NBEAL1: variants seen among roughly 807,000 people sequenced by gnomAD.
NBEAL1 encodes neurobeachin-like protein 1.
NBEAL1 carries 273 observed loss-of-function variants against 351.3 expected under a neutral mutation model. The observed-to-expected ratio is 0.78, with a 90% CI of 0.70 to 0.86. NBEAL1 has a LOEUF of 0.86. Among genes scored for constraint, NBEAL1 ranks in the 40% least tolerant of loss-of-function variants. NBEAL1 has a pLI of 0.00. For missense variants in NBEAL1, 2,961 were observed against 3,201.3 expected, an observed-to-expected ratio of 0.92 and a Z score of 1.81; for synonymous variants, 1,050 against 1,086.4, an observed-to-expected ratio of 0.97 and a Z score of 0.66.
intron 31 of NBEAL1, among the ~76,000 whole-genome samples, chr2:203,143,577 GT>G (rs1190968752): frequency 6.6e-6 from 1 of 152,182 alleles, no homozygotes; most frequent in East Asian, 1.9e-4. Context: ...GTCAGCTTGT[GT>G]TAAGCTGGCT....
rs778912382 is a variant in NBEAL1 at position 203,149,155 on chromosome 2, G to A, written c.5462+7G>A. The A allele has an allele frequency of 6.4e-7, 1 of 1,572,244 alleles. No homozygotes were observed. The highest frequency in any genetic ancestry group is 1.9e-5 in the Admixed American group (1 of 53,726). On this transcript the variant is annotated splice_region_variant and intron_variant, in intron 34 of 55. Transcript: ENST00000683969. ...GGGGACCTTGGGCTAAAAGGTAAGA[G>A]GATATAATTTTATTAAGTACTCCTT... is the stretch of plus-strand genomic sequence containing the variant.
At chr2:203,207,578 T>C (rs1458821733) in intron 51 of NBEAL1, among the ~76,000 whole-genome samples, 1 of 152,254 alleles carries the variant, frequency 6.6e-6, no homozygotes, top group Non-Finnish European at 1.5e-5. Context: ...AGAAAAATTC[T>C]TCTGCCTTGG....
chr2:203,161,403 G>T (rs1234603919), intron 36 of NBEAL1, among the ~76,000 whole-genome samples: 1 of 151,604 alleles, frequency 6.6e-6, no homozygotes, highest in East Asian at 1.9e-4. Flanking sequence ...GGCCCAGGCA[G>T]GTGGATCACA....
At chr2:203,156,142 A>C (rs1324966629) in intron 35 of NBEAL1, among the ~76,000 whole-genome samples, 1 of 152,194 alleles carries the variant, frequency 6.6e-6, no homozygotes, top group East Asian at 1.9e-4. Flanking sequence ...ATCTCCATAT[A>C]TTAGTTGCTG....
chr2:203,178,174 T>C (rs1287555291), intron 42 of NBEAL1, among the ~76,000 whole-genome samples: 6 of 150,036 alleles, frequency 4.0e-5, no homozygotes, highest in Non-Finnish European at 5.9e-5. Context: ...TTTCTTTTTT[T>C]TTTTTTCTGA....
At chr2:203,067,233 CTTAA>C (rs1452485480) in intron 6 of NBEAL1, among the ~76,000 whole-genome samples, 3 of 152,202 alleles carry the variant, frequency 2.0e-5, no homozygotes, top group Admixed American at 1.3e-4. Flanking sequence ...TGATAATGGT[CTTAA>C]TTAAATAGGA....
At chr2:203,041,722 C>A in intron 2 of NBEAL1, 43 bp from the exon 3 acceptor site, 1 of 1,313,032 alleles carries the variant, frequency 7.6e-7, no homozygotes, top group Non-Finnish European at 1.1e-6. Flanking sequence ...TTTTTTTTTT[C>A]CTGATAGGCA....
intron 36 of NBEAL1, among the ~76,000 whole-genome samples, chr2:203,160,032 A>G (rs1223608641): frequency 6.7e-6 from 1 of 148,610 alleles, no homozygotes; most frequent in African/African-American, 2.5e-5. Flanking sequence ...CCATTAATAT[A>G]TATCTACTTT....
rs768162389 is a variant in NBEAL1 at position 203,050,066 on chromosome 2, C to T, written c.305+91C>T. On this transcript the variant is annotated intron_variant, in intron 4 of 55. Transcript: ENST00000683969. ...GAGATGAGGAGGGGAACATCACACACTGGGCCTATTGGTGGGTAGGGTGCT... is the reference window on the plus strand; with the variant it reads ...GAGATGAGGAGGGGAACATCACACATTGGGCCTATTGGTGGGTAGGGTGCT... 3.0e-5 allele frequency: 36 copies of T among 1,203,484 alleles called. No individual in the cohort carries two copies. The Admixed American group carries it at 7.0e-4, about 23-fold the overall frequency. The allele number at this position is 1,203,484 out of a possible 1,614,324, so 74.6% of individuals were successfully genotyped here.
chr2:203,016,433 A>G lies in NBEAL1; in HGVS notation c.49A>G (p.Lys17Glu). ...LFELWMLYCT[K>E]KDPDYLKLWL... Reference sequence around the variant, plus strand: ...TGAACTTTGGATGCTTTATTGTACAAAGGTAATTGCTTTCCTTTTTATTTT... The same window carrying G: ...TGAACTTTGGATGCTTTATTGTACAGAGGTAATTGCTTTCCTTTTTATTTT... The change falls in exon 2 of 56, where the codon AAG becomes GAG. Residue 17 changes from lysine (K) to glutamate (E), a missense_variant and splice_region_variant. Lys to Glu is a moderately conservative substitution (Grantham distance 56). Transcript: ENST00000683969. 1 of 1,461,400 alleles carries G rather than the reference A, an allele frequency of 6.8e-7. No individual in the cohort carries two copies. The highest frequency in any genetic ancestry group is 9.2e-7 in the Non-Finnish European group (1 of 1,086,692). 90.5% of individuals were successfully genotyped at this position (1,461,400 alleles called of 1,614,324 possible). A position where few individuals can be genotyped will look rare whatever the true frequency, so the allele number is the denominator to read the frequency against.
chr2:203,063,539 G>A (rs1195320061), intron 6 of NBEAL1, among the ~76,000 whole-genome samples: 1 of 151,326 alleles, frequency 6.6e-6, no homozygotes, highest in Non-Finnish European at 1.5e-5. Flanking sequence ...AGGGAAGGAA[G>A]GAGAAGAGAA....
intron 1 of NBEAL1, 36 bp downstream of exon 1, chr2:203,015,018 A>T (rs1218937982): frequency 2.0e-5 from 3 of 152,306 alleles, no homozygotes; most frequent in African/African-American, 7.3e-5. Flanking sequence ...CGTTGGGAAG[A>T]GGGGGCGGCA....
At chr2:203,125,583 A>T in intron 20 of NBEAL1, 63 bp downstream of exon 20, 3 of 1,319,978 alleles carry the variant, frequency 2.3e-6, no homozygotes, top group Non-Finnish European at 3.0e-6. Context: ...TGAGAAATAA[A>T]TGAAAATGTT....
At chr2:203,175,929 G>A (rs545180080) in intron 42 of NBEAL1, among the ~76,000 whole-genome samples, 1 of 152,082 alleles carries the variant, frequency 6.6e-6, no homozygotes, top group South Asian at 2.1e-4. Flanking sequence ...CTCTTTCCAT[G>A]TAGCTTTTAT....
intron 43 of NBEAL1, chr2:203,181,439 TTTATG>T (rs2064715129): frequency 2.0e-5 from 3 of 152,044 alleles, no homozygotes; most frequent in South Asian, 2.1e-4. Context: ...TATTTGAAAA[TTTATG>T]TTATGTTTTT....
rs2065848816 is a variant in NBEAL1 at position 203,213,656 on chromosome 2, A to T, written c.8070+3A>T. On this transcript the variant is annotated splice_donor_region_variant and intron_variant, in intron 55 of 55. Transcript: ENST00000683969. ...TGGGTGTTGGCAAGCCTGCTGAGGT[A>T]AAACCTAGCATCAGTAATTTCATTT... 4 of 1,613,622 alleles carry T rather than the reference A, an allele frequency of 2.5e-6. No individual in the cohort carries two copies. The highest frequency in any genetic ancestry group is 1.3e-5 in the African/African-American group (1 of 75,034).
chr2:203,141,363 ATTATTTTTTTTT>A lies in NBEAL1; in HGVS notation c.4848+2618_4848+2629del, dbSNP rs1172470656. 5.1e-4 allele frequency among the ~76,000 whole-genome samples: 9 copies of A among 17,480 alleles called. No individual in the cohort carries two copies. In the East Asian group the frequency reaches 0.01, roughly 20 times the overall value. 11.5% of individuals were successfully genotyped at this position (17,480 alleles called of 152,430 possible). A position where few individuals can be genotyped will look rare whatever the true frequency, so the allele number is the denominator to read the frequency against. ...ACAGATTATTATTATTATTATTATT[ATTATTTTTTTTT>A]TTTTTTTTTTTTTTTTTTTTTTTCA... On this transcript the variant is annotated intron_variant, in intron 31 of 55. Coordinates refer to ENST00000683969, the MANE Select transcript of NBEAL1 (RefSeq NM_001378026.1).
chr2:203,018,949 A>T (rs1035331819), intron 2 of NBEAL1, among the ~76,000 whole-genome samples: 2 of 152,122 alleles, frequency 1.3e-5, no homozygotes, highest in Admixed American at 1.3e-4. Flanking sequence ...GTATTTTCCC[A>T]CTGTTTGGCT....
Position 203,166,140 on chromosome 2 carries a change from T to C in NBEAL1, c.5715-9T>C. On this transcript the variant is annotated splice_polypyrimidine_tract_variant and intron_variant, in intron 36 of 55. Coordinates refer to ENST00000683969, the MANE Select transcript of NBEAL1 (RefSeq NM_001378026.1). ...AATTTTTCTGTTTATTGGCTTCTTG[T>C]TTTTACAGTGATGAGAAAGAAGAAC... The C allele has an allele frequency of 6.5e-7, 1 of 1,547,182 alleles. No homozygotes were observed. Among genetic ancestry groups the C allele is most frequent in the Non-Finnish European group, 8.7e-7 (1 of 1,153,826 alleles).
Sources: gnomAD v4.1 joint callset for allele counts (sites outside exome capture counted in the v4.1 genomes callset) on GRCh38, gnomAD v4.1.1 for gene constraint, MANE v1.5 for transcripts, NCBI Gene and HGNC (gene_info 2026-07-23, HGNC 2026-07-21) for gene names.